Variants in WDR12 observed in about 807,000 individuals in gnomAD.
The protein encoded by WDR12 is ribosome biogenesis protein WDR12.
Under a neutral mutation model 64.3 loss-of-function variants are expected in WDR12, and 42 were observed. The observed-to-expected ratio is 0.65, with a 90% CI of 0.51 to 0.84. WDR12 has a LOEUF of 0.84. Among genes scored for constraint, WDR12 ranks in the 40% least tolerant of loss-of-function variants. The pLI, the probability that WDR12 is intolerant of heterozygous loss-of-function variation, is 0.00. For synonymous variants in WDR12, 158 were observed against 173.3 expected, an observed-to-expected ratio of 0.91 and a Z score of 0.70; for missense variants, 469 against 494.6, an observed-to-expected ratio of 0.95 and a Z score of 0.49.
At chr2:202,892,839 G>A (rs1688178075) in intron 7 of WDR12, 137 bp from the exon 8 acceptor site, 5 of 442,016 alleles carry the variant, frequency 1.1e-5, no homozygotes, top group Non-Finnish European at 1.9e-5. Context: ...TCATCATTTT[G>A]GTTAACAGAA....
chr2:202,891,467 T>G (rs1305019409), intron 8 of WDR12, among the ~76,000 whole-genome samples: 1 of 152,234 alleles, frequency 6.6e-6, no homozygotes, highest in East Asian at 1.9e-4. Flanking sequence ...CTAGCTTTAA[T>G]TTAGCCTACC....
rs1177122568 is a variant in WDR12, at chr2:202,903,125, A to G, written c.137-2006T>C. On this transcript the variant is annotated intron_variant, in intron 2 of 12. Coordinates refer to ENST00000261015, the MANE Select transcript of WDR12 (RefSeq NM_018256.4). ...AAATCTCTCTTTCATATATACATCTATTCTATTAGTCCTGTCCCTCTAAAG... is the reference window on the plus strand; with the variant it reads ...AAATCTCTCTTTCATATATACATCTGTTCTATTAGTCCTGTCCCTCTAAAG... Among the ~76,000 whole-genome samples, 6 of 152,086 alleles carry G rather than the reference A, an allele frequency of 3.9e-5. No individual in the cohort carries two copies. The East Asian group carries it at 7.7e-4, about 20-fold the overall frequency.
chr2:202,876,845 C>T lies in WDR12; in HGVS notation c.*4015G>A, dbSNP rs2105900357. The T allele has an allele frequency of 6.6e-6, 1 of 152,564 alleles. No homozygotes were observed. The highest frequency in any genetic ancestry group is 1.9e-4 in the South Asian group (1 of 5,160). The allele number at this position is 152,564 out of a possible 1,614,324, so 9.5% of individuals were successfully genotyped here. A position where few individuals can be genotyped will look rare whatever the true frequency, so the allele number is the denominator to read the frequency against. On this transcript the variant is annotated 3_prime_UTR_variant, in exon 13 of 13. Coordinates refer to ENST00000261015, the MANE Select transcript of WDR12 (RefSeq NM_018256.4). ...AGTTAGGAGGATGAGGTGGGAGGAT[C>T]CCTTGAGTCCGGGAGTTAGAGGCTG... is the stretch of plus-strand genomic sequence containing the variant.
Position 202,877,409 on chromosome 2 carries a change from A to C in WDR12, c.*3451T>G, listed in dbSNP as rs1256920476. 3 of 152,158 alleles carry C rather than the reference A, an allele frequency of 2.0e-5. No individual in the cohort carries two copies. Among genetic ancestry groups the C allele is most frequent in the Non-Finnish European group, 4.4e-5 (3 of 68,044 alleles). 9.4% of individuals were successfully genotyped at this position (152,158 alleles called of 1,614,324 possible). ...ATGCCTGTAATCTCAGCACTTTGGG[A>C]GGTCCAGGTGGGCAGACAGCTTGAG... On this transcript the variant is annotated 3_prime_UTR_variant, in exon 13 of 13. Coordinates refer to ENST00000261015, the MANE Select transcript of WDR12 (RefSeq NM_018256.4).
At chr2:202,891,202 C>T (rs922156226) in intron 8 of WDR12, among the ~76,000 whole-genome samples, 1 of 152,128 alleles carries the variant, frequency 6.6e-6, no homozygotes, top group Non-Finnish European at 1.5e-5. Context: ...GACAGGGTCT[C>T]ACTCTGTTGC....
At chr2:202,893,824 T>C (rs918185742) in intron 7 of WDR12, among the ~76,000 whole-genome samples, 3 of 152,126 alleles carry the variant, frequency 2.0e-5, no homozygotes, top group Non-Finnish European at 2.9e-5. Context: ...CCTCCCTCAA[T>C]TTGCTCCTTT....
In WDR12 at chr2:202,878,833, T is replaced by TC. The variant is rs1350695929; in HGVS notation, c.*2026dup. The TC allele has an allele frequency of 6.6e-6, 1 of 152,218 alleles. No homozygotes were observed. The highest frequency in any genetic ancestry group is 1.5e-5 in the Non-Finnish European group (1 of 68,050). The allele number at this position is 152,218 out of a possible 1,614,324, so 9.4% of individuals were successfully genotyped here. On this transcript the variant is annotated 3_prime_UTR_variant, in exon 13 of 13. Transcript: ENST00000261015. ...GAATGCTCTACTTAAGGAGTATCAA[T>TC]CCATTAATAATGGAAATAACATTTA...
chr2:202,890,604 CAAA>C (rs1015367356), intron 8 of WDR12, among the ~76,000 whole-genome samples: 1 of 150,902 alleles, frequency 6.6e-6, no homozygotes, highest in Admixed American at 6.6e-5. Context: ...CCCGTCTCTA[CAAA>C]AAAAATACAA....
At chr2:202,890,132 G>A (rs1209939407) in intron 8 of WDR12, among the ~76,000 whole-genome samples, 1 of 152,042 alleles carries the variant, frequency 6.6e-6, no homozygotes, top group South Asian at 2.1e-4. Flanking sequence ...GGAGGCTGGG[G>A]TGGGAAGATC....
At chr2:202,896,902 G>A (rs1461845602) in intron 5 of WDR12, among the ~76,000 whole-genome samples, 9 of 151,884 alleles carry the variant, frequency 5.9e-5, no homozygotes, top group Non-Finnish European at 8.8e-5. Flanking sequence ...CAGGAGAATC[G>A]CTTGAACCTG....
At chr2:202,882,485 T>G (rs928865937) in intron 12 of WDR12, among the ~76,000 whole-genome samples, 8 of 152,080 alleles carry the variant, frequency 5.3e-5, no homozygotes, top group Non-Finnish European at 7.4e-5. Flanking sequence ...CCCGCCACCA[T>G]GCCCGGCTAA....
Position 202,880,815 on chromosome 2 carries a change from T to C in WDR12, c.*45A>G. 1 of 1,556,036 alleles carries C rather than the reference T, an allele frequency of 6.4e-7. No individual in the cohort carries two copies. Among genetic ancestry groups the C allele is most frequent in the Non-Finnish European group, 8.8e-7 (1 of 1,141,320 alleles). On this transcript the variant is annotated 3_prime_UTR_variant, in exon 13 of 13. Transcript: ENST00000261015. ...ATGTAATTTCATGGTTCTCTACCAATTTCATTTACAGAAATAATCTCTATA... is the reference window on the plus strand; with the variant it reads ...ATGTAATTTCATGGTTCTCTACCAACTTCATTTACAGAAATAATCTCTATA...
In WDR12 at chr2:202,897,296, T is replaced by C; in HGVS notation, c.454+4A>G. The C allele has an allele frequency of 1.3e-6, 2 of 1,589,992 alleles. No homozygotes were observed. Among genetic ancestry groups the C allele is most frequent in the Non-Finnish European group, 1.7e-6 (2 of 1,168,554 alleles). ...TCCTCTAAGTGTAGGCAAACTGTCCTAACCTTTTTTCACCCAGGCCACATC... is the reference window on the plus strand; with the variant it reads ...TCCTCTAAGTGTAGGCAAACTGTCCCAACCTTTTTTCACCCAGGCCACATC... On this transcript the variant is annotated splice_donor_region_variant and intron_variant, in intron 5 of 12. Transcript: ENST00000261015.
rs1322989265 is a variant in WDR12 at position 202,879,924 on chromosome 2, CAG to C, written c.*934_*935del. The C allele has an allele frequency of 6.6e-6, 1 of 150,710 alleles. No homozygotes were observed. Among genetic ancestry groups the C allele is most frequent in the African/African-American group, 2.4e-5 (1 of 40,858 alleles). 9.3% of individuals were successfully genotyped at this position (150,710 alleles called of 1,614,324 possible). A position where few individuals can be genotyped will look rare whatever the true frequency, so the allele number is the denominator to read the frequency against. On this transcript the variant is annotated 3_prime_UTR_variant, in exon 13 of 13. Transcript: ENST00000261015. ...GCCCAGCTAATTTTTGTAGTTTTAG[CAG>C]AGACAGGGTTTTGACATGTTGGCCA...
chr2:202,882,942 T>G (rs1687981565), intron 11 of WDR12, 159 bp from the exon 12 acceptor site: 2 of 566,956 alleles, frequency 3.5e-6, no homozygotes, highest in Non-Finnish European at 6.2e-6. Flanking sequence ...ATCTCTCCTC[T>G]TTTTCCTGTA....
intron 3 of WDR12, among the ~76,000 whole-genome samples, chr2:202,900,298 C>T (rs1007575190): frequency 7.4e-5 from 11 of 147,988 alleles, no homozygotes; most frequent in Non-Finnish European, 1.6e-4. Context: ...CATTGCACTC[C>T]AGCCTGGGCA....
In WDR12 at chr2:202,876,490, A is replaced by G. The variant is rs1012221973; in HGVS notation, c.*4370T>C. ...TTTCTACACCTGGCAGTTTCTGGCT[A>G]GTAAAATCTGGATTTCACTTGCCTA... On this transcript the variant is annotated 3_prime_UTR_variant, in exon 13 of 13. Transcript: ENST00000261015. 1 of 152,252 alleles carries G rather than the reference A, an allele frequency of 6.6e-6. No individual in the cohort carries two copies. The highest frequency in any genetic ancestry group is 1.5e-5 in the Non-Finnish European group (1 of 68,044). 9.4% of individuals were successfully genotyped at this position (152,252 alleles called of 1,614,324 possible).
chr2:202,882,349 T>C (rs770716437), intron 12 of WDR12, among the ~76,000 whole-genome samples: 14 of 151,756 alleles, frequency 9.2e-5, no homozygotes, highest in Non-Finnish European at 1.5e-4. Flanking sequence ...GTTTTTTTTT[T>C]CTTGAGATGG....
chr2:202,899,326 G>A (rs796312474), intron 4 of WDR12, among the ~76,000 whole-genome samples: 7 of 152,222 alleles, frequency 4.6e-5, no homozygotes, highest in East Asian at 1.9e-4. Context: ...TTACAGGCAT[G>A]AGCCACTGCA....
Sources: gnomAD v4.1 joint callset for allele counts (sites outside exome capture counted in the v4.1 genomes callset) on GRCh38, gnomAD v4.1.1 for gene constraint, MANE v1.5 for transcripts, NCBI Gene and HGNC (gene_info 2026-07-23, HGNC 2026-07-21) for gene names.